EFR3B: variants seen among roughly 807,000 people sequenced by gnomAD.
The protein encoded by EFR3B is EFR3 homolog B, also known as protein EFR3 homolog B.
In EFR3B, 64 loss-of-function variants were observed where a neutral mutation model predicts 104.7. The observed-to-expected ratio is 0.61, with a 90% CI of 0.50 to 0.75. EFR3B has a LOEUF of 0.75. Among genes scored for constraint, EFR3B ranks in the 30% least tolerant of loss-of-function variants. The pLI, the probability that EFR3B is intolerant of heterozygous loss-of-function variation, is 0.00. For missense variants in EFR3B, 750 were observed against 1,078.5 expected (o/e 0.70, Z 4.27); for synonymous variants, 385 against 417.9 (o/e 0.92, Z 0.96).
At chr2:25,067,691 C>T (rs1342604105) in intron 1 of EFR3B, among the ~76,000 whole-genome samples, 2 of 152,106 alleles carry the variant, frequency 1.3e-5, no homozygotes, top group Non-Finnish European at 2.9e-5. Flanking sequence ...CCACAGCCTC[C>T]TTTTGAATTA....
At chr2:25,144,725 G>A (rs1015173173) in intron 18 of EFR3B, among the ~76,000 whole-genome samples, 13 of 152,174 alleles carry the variant, frequency 8.5e-5, no homozygotes, top group Middle Eastern at 6.8e-3. Flanking sequence ...TTGTGTTCTC[G>A]TTGACGATTT....
chr2:25,140,939 G>C (rs1298003292), intron 16 of EFR3B, among the ~76,000 whole-genome samples: 1 of 151,748 alleles, frequency 6.6e-6, no homozygotes, highest in Non-Finnish European at 1.5e-5. Context: ...TACTCGGGAG[G>C]CTGAGGCAGG....
At chr2:25,081,039 C>A in intron 1 of EFR3B, 2 of 747,232 alleles carry the variant, frequency 2.7e-6, no homozygotes, top group Non-Finnish European at 5.0e-6. Context: ...AATGTTGACA[C>A]CACCATGTGA....
intron 1 of EFR3B, among the ~76,000 whole-genome samples, chr2:25,054,325 CA>C (rs975375636): frequency 1.7e-4 from 26 of 151,788 alleles, no homozygotes; most frequent in African/African-American, 4.3e-4. Context: ...GCAAGTAATT[CA>C]TTTTTTTTTT....
In EFR3B at chr2:25,046,679, A is replaced by G. The variant is rs556729448; in HGVS notation, c.7+4360A>G. Among the ~76,000 whole-genome samples the G allele has an allele frequency of 4.0e-4, 60 of 150,266 alleles. No homozygotes were observed. In the South Asian group the frequency reaches 0.012, roughly 30 times the overall value. ...CCACCTCGCCCGGCTAATTTTTTGTATTTTTAGTAGAGACGGGGTTTCACC... is the reference window on the plus strand; with the variant it reads ...CCACCTCGCCCGGCTAATTTTTTGTGTTTTTAGTAGAGACGGGGTTTCACC... On this transcript the variant is annotated intron_variant, in intron 1 of 22. Transcript: ENST00000403714.
chr2:25,119,546 T>C (rs1162919063), intron 4 of EFR3B, among the ~76,000 whole-genome samples: 1 of 152,258 alleles, frequency 6.6e-6, no homozygotes, highest in Admixed American at 6.5e-5. Flanking sequence ...AACTTGTACG[T>C]AATCGATGAT....
In EFR3B at chr2:25,081,104, GTCT is replaced by G. The variant is rs573836374; in HGVS notation, c.8-10217_8-10215del. The G allele has an allele frequency of 1.9e-4, 129 of 695,146 alleles. No individual in the cohort carries two copies. The African/African-American group carries it at 2.2e-3, about 12-fold the overall frequency. 43.1% of individuals were successfully genotyped at this position (695,146 alleles called of 1,614,324 possible). On this transcript the variant is annotated intron_variant, in intron 1 of 22. Transcript: ENST00000403714. ...ACCTCTCCATCCCTATTGCAAAGTA[GTCT>G]TCTCCCCTAGGGTATTTTCGCTTCA...
At chr2:25,062,049 G>T (rs759908788) in intron 1 of EFR3B, among the ~76,000 whole-genome samples, 2 of 152,126 alleles carry the variant, frequency 1.3e-5, no homozygotes, top group Admixed American at 1.3e-4. Flanking sequence ...AAAACATTTT[G>T]TATTTTCTAC....
chr2:25,152,536 CA>C (rs2149215373), intron 21 of EFR3B, among the ~76,000 whole-genome samples: 1 of 152,194 alleles, frequency 6.6e-6, no homozygotes, highest in South Asian at 2.1e-4. Flanking sequence ...GACCCTCTTC[CA>C]ACCAGGGTAC....
chr2:25,137,196 C>T lies in EFR3B; in HGVS notation c.1561-145C>T, dbSNP rs1339768233. ...CTGTGTGTGTCTGCTTCTGCCAGAG[C>T]CCGCTTTAAAGGCATCCCCTCCCCA... is the stretch of plus-strand genomic sequence containing the variant. On this transcript the variant is annotated intron_variant, in intron 14 of 22. Transcript: ENST00000403714. This position sits in a 1 kb window ranked among gnomAD's most constrained non-coding sequence, Gnocchi z 4.7. 5.7e-6 allele frequency: 5 copies of T among 880,236 alleles called. No homozygotes were observed. The highest frequency in any genetic ancestry group is 8.6e-6 in the Non-Finnish European group (5 of 584,256). 54.5% of individuals were successfully genotyped at this position (880,236 alleles called of 1,614,324 possible).
At chr2:25,069,830 G>A (rs1420091691) in intron 1 of EFR3B, among the ~76,000 whole-genome samples, 1 of 152,172 alleles carries the variant, frequency 6.6e-6, no homozygotes, top group Non-Finnish European at 1.5e-5. Context: ...CCAAGTAGCT[G>A]GGACTACAGG....
At chr2:25,116,132 C>T (rs1669852991) in intron 4 of EFR3B, 1 of 152,208 alleles carries the variant, frequency 6.6e-6, no homozygotes, top group Non-Finnish European at 1.5e-5. Flanking sequence ...TACATTGCCC[C>T]AGCAAATACT....
At chr2:25,135,360 AGAGGAT>A in intron 12 of EFR3B, 101 bp from the exon 13 acceptor site, 1 of 1,320,648 alleles carries the variant, frequency 7.6e-7, no homozygotes, top group Non-Finnish European at 1.0e-6. Context: ...CGATGTCTAG[AGAGGAT>A]GTGTACATCA....
chr2:25,129,910 G>A lies in EFR3B; in HGVS notation c.636-65G>A, dbSNP rs552144087. On this transcript the variant is annotated intron_variant, in intron 6 of 22. Coordinates refer to ENST00000403714, the MANE Select transcript of EFR3B (RefSeq NM_014971.2). Reference sequence around the variant, plus strand: ...TGTGTGGATGAAACACGGAAAGCCGGGATTGTACAGAGCCTGACCCCAGCC... The same window carrying A: ...TGTGTGGATGAAACACGGAAAGCCGAGATTGTACAGAGCCTGACCCCAGCC... The A allele has an allele frequency of 2.3e-5, 35 of 1,529,954 alleles. No individual in the cohort carries two copies. In the African/African-American group the frequency reaches 4.4e-4, roughly 19 times the overall value. 94.8% of individuals were successfully genotyped at this position (1,529,954 alleles called of 1,614,324 possible). A position where few individuals can be genotyped will look rare whatever the true frequency, so the allele number is the denominator to read the frequency against.
At chr2:25,104,110 G>A (rs578089037) in intron 4 of EFR3B, among the ~76,000 whole-genome samples, 2 of 152,248 alleles carry the variant, frequency 1.3e-5, no homozygotes. Flanking sequence ...CACTTTGGGA[G>A]ACCAAGGCAG....
chr2:25,135,928 T>A (rs1278872183), intron 13 of EFR3B, among the ~76,000 whole-genome samples: 1 of 151,958 alleles, frequency 6.6e-6, no homozygotes, highest in Non-Finnish European at 1.5e-5. Context: ...TAAAGGGAGT[T>A]GCAAGTGTGA....
At chr2:25,062,432 T>G (rs1668221625) in intron 1 of EFR3B, among the ~76,000 whole-genome samples, 3 of 152,190 alleles carry the variant, frequency 2.0e-5, no homozygotes, top group African/African-American at 7.2e-5. Context: ...TTACTGCATG[T>G]TAATTATACT....
chr2:25,070,508 C>T (rs1253630728), intron 1 of EFR3B, among the ~76,000 whole-genome samples: 1 of 152,174 alleles, frequency 6.6e-6, no homozygotes, highest in Non-Finnish European at 1.5e-5. Context: ...AGTGATCCAC[C>T]TGCCTCAGCC....
At position 25,099,232 on chromosome 2, in the gene EFR3B, A is replaced by G. The variant is rs555471914; in HGVS notation, c.213-4405A>G. Among the ~76,000 whole-genome samples, 12 of 152,216 alleles carry G rather than the reference A, an allele frequency of 7.9e-5. No homozygotes were observed. In the South Asian group the frequency reaches 1.5e-3, roughly 18 times the overall value. ...TCAGTCTCTACACAGTGGACCTGAA[A>G]CATGCTGGGACTGGGTCTGCAAGGC... On this transcript the variant is annotated intron_variant, in intron 3 of 22. Transcript: ENST00000403714.
Sources: gnomAD v4.1 joint callset for allele counts (sites outside exome capture counted in the v4.1 genomes callset) on GRCh38, gnomAD v4.1.1 for gene constraint, Gnocchi (gnomAD v3.1) non-coding constraint, MANE v1.5 for transcripts, NCBI Gene and HGNC (gene_info 2026-07-23, HGNC 2026-07-21) for gene names.